The following DLC1 variants were observed in gnomAD, a reference collection of about 807,000 sequenced individuals.
The protein encoded by DLC1 is rho GTPase-activating protein 7.
Under a neutral mutation model 140.3 loss-of-function variants are expected in DLC1, and 54 were observed. The ratio of observed to expected loss-of-function variants is 0.38; its 90% CI spans 0.31 to 0.48. The LOEUF is 0.48. DLC1 is among the 20% of genes least tolerant of loss of function. The pLI is 0.96. For synonymous variants in DLC1, 986 were observed against 728.1 expected (o/e 1.35, Z -5.70); for missense variants, 2,536 against 1,907.0 (o/e 1.33, Z -6.14).
At chr8:13,429,162 A>C in intron 2 of DLC1, among the ~76,000 whole-genome samples, 1 of 152,374 alleles carries the variant, frequency 6.6e-6, no homozygotes, top group East Asian at 1.9e-4. Context: ...AAACACCTGT[A>C]TCAGAAACAC....
At chr8:13,601,520 T>C (rs368862429) in intron 1 of DLC1, among the ~76,000 whole-genome samples, 2 of 151,812 alleles carry the variant, frequency 1.3e-5, no homozygotes, top group African/African-American at 4.8e-5. Flanking sequence ...ATCATTGCTA[T>C]CATAACACTA....
chr8:13,267,772 G>GTGTGTT (rs1405844016), intron 5 of DLC1, among the ~76,000 whole-genome samples: 4 of 140,418 alleles, frequency 2.8e-5, no homozygotes, highest in Non-Finnish European at 6.2e-5. Context: ...GTGTGTGTGT[G>GTGTGTT]CAATTGCCTA....
At chr8:13,475,404 C>T (rs867512452) in intron 2 of DLC1, among the ~76,000 whole-genome samples, 1 of 152,090 alleles carries the variant, frequency 6.6e-6, no homozygotes, top group African/African-American at 2.4e-5. Context: ...CAGTAAAAGG[C>T]CATCTTTTAT....
intron 2 of DLC1, among the ~76,000 whole-genome samples, chr8:13,489,571 T>C (rs1012877518): frequency 1.1e-5 from 1 of 93,956 alleles, no homozygotes; most frequent in African/African-American, 3.4e-5. Context: ...TGGAGAATCC[T>C]GTTATACAAA....
chr8:13,484,020 C>A (rs1180592330), intron 2 of DLC1, among the ~76,000 whole-genome samples: 1 of 152,050 alleles, frequency 6.6e-6, no homozygotes, highest in Admixed American at 6.6e-5. Context: ...GCAGAGGTTG[C>A]AGTGAACCCA....
At chr8:13,555,470 G>A (rs899304957) in intron 1 of DLC1, among the ~76,000 whole-genome samples, 1 of 151,988 alleles carries the variant, frequency 6.6e-6, no homozygotes, top group Non-Finnish European at 1.5e-5. Flanking sequence ...TTCATTTTAT[G>A]TTTGTAGCTT....
intron 1 of DLC1, among the ~76,000 whole-genome samples, chr8:13,560,901 G>A (rs969888705): frequency 1.3e-5 from 2 of 151,908 alleles, no homozygotes; most frequent in African/African-American, 4.8e-5. Flanking sequence ...ACCCTCAGAA[G>A]GAACCAACCC....
At chr8:13,201,785 T>C (rs1437322431) in intron 5 of DLC1, among the ~76,000 whole-genome samples, 1 of 152,146 alleles carries the variant, frequency 6.6e-6, no homozygotes, top group Admixed American at 6.5e-5. Flanking sequence ...TTTTAAATTT[T>C]TATTTTTTTC....
At chr8:13,192,658 C>G (rs1253026397) in intron 5 of DLC1, among the ~76,000 whole-genome samples, 1 of 152,126 alleles carries the variant, frequency 6.6e-6, no homozygotes, top group Non-Finnish European at 1.5e-5. Context: ...TCCCAGTAGT[C>G]AGAATGTGAT....
chr8:13,294,190 G>C (rs1318362754), intron 5 of DLC1, among the ~76,000 whole-genome samples: 1 of 152,162 alleles, frequency 6.6e-6, no homozygotes, highest in South Asian at 2.1e-4. Context: ...ATATCATACA[G>C]TTTGAACTAT....
intron 2 of DLC1, among the ~76,000 whole-genome samples, chr8:13,460,167 A>G (rs1392984333): frequency 6.6e-6 from 1 of 152,182 alleles, no homozygotes; most frequent in Non-Finnish European, 1.5e-5. Flanking sequence ...TCTTATCCTG[A>G]TGTGTATTGT....
rs373793207 is a variant in DLC1 at position 13,304,860 on chromosome 8, A to G, written c.1348+409T>C. 6.6e-5 allele frequency: 65 copies of G among 986,604 alleles called. No homozygotes were observed. In the African/African-American group the frequency reaches 9.9e-4, roughly 15 times the overall value. 61.1% of individuals were successfully genotyped at this position (986,604 alleles called of 1,614,324 possible). A position where few individuals can be genotyped will look rare whatever the true frequency, so the allele number is the denominator to read the frequency against. Reference sequence around the variant, plus strand: ...ATTGCTTCATCACTATATTTTTGATAGTATGGCATCAGCTTTAAGCATCAA... The same window carrying G: ...ATTGCTTCATCACTATATTTTTGATGGTATGGCATCAGCTTTAAGCATCAA... On this transcript the variant is annotated intron_variant, in intron 5 of 17. Transcript: ENST00000276297.
intron 5 of DLC1, among the ~76,000 whole-genome samples, chr8:13,187,233 C>T (rs1826429462): frequency 6.6e-6 from 1 of 152,078 alleles, no homozygotes; most frequent in Non-Finnish European, 1.5e-5. Context: ...TGTTGTTTGC[C>T]TCTCACCTGT....
At chr8:13,551,971 A>ATG (rs776078266) in intron 1 of DLC1, among the ~76,000 whole-genome samples, 5 of 144,494 alleles carry the variant, frequency 3.5e-5, no homozygotes, top group East Asian at 2.0e-4. Flanking sequence ...GTATATGTAT[A>ATG]TGTGTGTGTG....
At chr8:13,343,723 T>C (rs899766450) in intron 4 of DLC1, among the ~76,000 whole-genome samples, 6 of 152,192 alleles carry the variant, frequency 3.9e-5, no homozygotes, top group African/African-American at 1.4e-4. Flanking sequence ...TTTCCTACAC[T>C]GGATCGCCTC....
upstream of DLC1, among the ~76,000 whole-genome samples, chr8:13,516,622 G>T (rs1802596673): frequency 6.6e-6 from 1 of 152,154 alleles, no homozygotes; most frequent in Non-Finnish European, 1.5e-5. Context: ...TTGGTCAGAA[G>T]CAGCTTTAAA....
chr8:13,208,016 G>C (rs529555467), intron 5 of DLC1, among the ~76,000 whole-genome samples: 1 of 151,548 alleles, frequency 6.6e-6, no homozygotes, highest in Non-Finnish European at 1.5e-5. Flanking sequence ...AAAATGTCTA[G>C]TATTTGTTTT....
chr8:13,566,519 T>G (rs1804433700), intron 1 of DLC1, among the ~76,000 whole-genome samples: 1 of 152,206 alleles, frequency 6.6e-6, no homozygotes, highest in Non-Finnish European at 1.5e-5. Flanking sequence ...TTTTTGCTTG[T>G]GCATCTTGTC....
At chr8:13,265,760 C>T (rs1208161321) in intron 5 of DLC1, among the ~76,000 whole-genome samples, 1 of 151,250 alleles carries the variant, frequency 6.6e-6, no homozygotes. Flanking sequence ...TTCCTCCCTC[C>T]CTCATTCCTT....
Sources: allele counts gnomAD v4.1 joint callset (sites outside exome capture counted in the v4.1 genomes callset), GRCh38; gene constraint gnomAD v4.1.1; transcripts MANE v1.5; gene names NCBI Gene and HGNC (gene_info 2026-07-23, HGNC 2026-07-21).